Variants in ZNF423 observed in about 807,000 individuals in gnomAD.
ZNF423 encodes the protein Ebf-associated zinc finger protein.
A neutral mutation model predicts 95.8 loss-of-function variants in ZNF423; 12 were observed. That is an observed-to-expected ratio of 0.13 (90% CI 0.08 to 0.20). The LOEUF (loss-of-function observed/expected upper bound fraction) is 0.20. Ranked by LOEUF, ZNF423 falls within the 10% of genes least tolerant of loss-of-function variation. ZNF423 has a pLI of 1.00. For synonymous variants in ZNF423, 749 were observed against 711.9 expected, an observed-to-expected ratio of 1.05 and a Z score of -0.83; for missense variants, 1,316 against 1,737.1, an observed-to-expected ratio of 0.76 and a Z score of 4.31.
intron 3 of ZNF423, among the ~76,000 whole-genome samples, chr16:49,692,364 C>A (rs2031816988): frequency 6.6e-6 from 1 of 152,134 alleles, no homozygotes; most frequent in Non-Finnish European, 1.5e-5. Flanking sequence ...GGCAGACCCC[C>A]AGCACACAGC....
intron 3 of ZNF423, among the ~76,000 whole-genome samples, chr16:49,671,306 A>G (rs992138887): frequency 3.9e-5 from 6 of 152,208 alleles, no homozygotes; most frequent in African/African-American, 1.4e-4. Context: ...TTGTTCTTGC[A>G]GGGAGCTCAA....
intron 3 of ZNF423, among the ~76,000 whole-genome samples, chr16:49,673,684 T>C (rs1163762848): frequency 1.3e-5 from 2 of 152,276 alleles, no homozygotes; most frequent in Admixed American, 1.3e-4. Flanking sequence ...TATGTATGCA[T>C]GTGCACACAC....
In ZNF423 at chr16:49,855,124, A is replaced by T; in HGVS notation, c.40+611T>A. 1.3e-6 allele frequency: 1 copy of T among 780,882 alleles called. No individual in the cohort carries two copies. The allele number at this position is 780,882 out of a possible 1,614,324, so 48.4% of individuals were successfully genotyped here. ...AAGTGCAGGGGCCCGGGCCGGGAGAAGGCCTGGGCAGGGGCGGGAGGGGGC... is the reference window on the plus strand; with the variant it reads ...AAGTGCAGGGGCCCGGGCCGGGAGATGGCCTGGGCAGGGGCGGGAGGGGGC... On this transcript the variant is annotated intron_variant, in intron 1 of 7. Transcript: ENST00000563137. This position sits in a 1 kb window ranked among gnomAD's most constrained non-coding sequence, Gnocchi z 4.7.
intron 5 of ZNF423, among the ~76,000 whole-genome samples, chr16:49,563,941 A>G (rs1295073944): frequency 6.6e-6 from 1 of 152,256 alleles, no homozygotes; most frequent in Non-Finnish European, 1.5e-5. Context: ...GGCCAAGGTC[A>G]TGCACAGCAG....
rs148988852 is a variant in ZNF423, at chr16:49,498,199, C to A, written c.3850-6895G>T. Among the ~76,000 whole-genome samples, 349 of 152,322 alleles carry A rather than the reference C, an allele frequency of 2.3e-3. 4 individuals are homozygous for A. The highest frequency in any genetic ancestry group is 0.01 in the Admixed American group (159 of 15,304). On this transcript the variant is annotated intron_variant, in intron 7 of 7. Coordinates refer to ENST00000563137, the MANE Select transcript of ZNF423 (RefSeq NM_001379286.1). Reference sequence around the variant, plus strand: ...CCCATATTAGCTCATTTAAGCCTCACGACTGCCCTGCGCATTAAATACTCT... The same window carrying A: ...CCCATATTAGCTCATTTAAGCCTCAAGACTGCCCTGCGCATTAAATACTCT...
At chr16:49,854,038 T>C in intron 1 of ZNF423, 1 of 985,378 alleles carries the variant, frequency 1.0e-6, no homozygotes, top group Non-Finnish European at 1.2e-6. Context: ...AAATCCAGTA[T>C]TATTTCAAGC....
rs148974519 is a variant in ZNF423, at chr16:49,619,715, G to C, written c.3601+6455C>G. Among the ~76,000 whole-genome samples, 60 of 152,340 alleles carry C rather than the reference G, an allele frequency of 3.9e-4. No homozygotes were observed. In the East Asian group the frequency reaches 0.011, roughly 28 times the overall value. On this transcript the variant is annotated intron_variant, in intron 5 of 7. Transcript: ENST00000563137. The stretch of plus-strand genomic sequence containing the variant: ...GGAGACATTTTTATCACATATTAAG[G>C]TTAGACAGATGTTTTGGGTCTGGTG...
At chr16:49,548,683 C>T (rs755049615) in intron 5 of ZNF423, among the ~76,000 whole-genome samples, 1 of 152,174 alleles carries the variant, frequency 6.6e-6, no homozygotes, top group Non-Finnish European at 1.5e-5. Context: ...CAGCCGCCTT[C>T]GGGGAAGCAC....
chr16:49,691,900 C>T (rs560407010), intron 3 of ZNF423, among the ~76,000 whole-genome samples: 14 of 152,242 alleles, frequency 9.2e-5, no homozygotes, highest in African/African-American at 3.1e-4. Context: ...GCGGCTGTGG[C>T]CCCCTATCCC....
chr16:49,815,324 C>T (rs12596423), intron 1 of ZNF423, among the ~76,000 whole-genome samples: 61,193 of 151,948 alleles, frequency 0.4, 12,866 homozygotes, highest in African/African-American at 0.51. Context: ...ACAAAGATCT[C>T]GATACGGGGT....
rs114209991 is a variant in ZNF423 at position 49,542,335 on chromosome 16, T to C, written c.3602-16841A>G. Among the ~76,000 whole-genome samples the C allele has an allele frequency of 2.3e-3, 344 of 152,338 alleles. 1 individual carries two copies. The highest frequency in any genetic ancestry group is 7.7e-3 in the African/African-American group (322 of 41,578). On this transcript the variant is annotated intron_variant, in intron 5 of 7. Transcript: ENST00000563137. ...TTCAAGCCCGGGCTCTGCCACTGAG[T>C]GTCCCGGTGGCCTCATCAGTAAAAT...
At chr16:49,558,984 A>G (rs1403070686) in intron 5 of ZNF423, among the ~76,000 whole-genome samples, 1 of 152,178 alleles carries the variant, frequency 6.6e-6, no homozygotes, top group Non-Finnish European at 1.5e-5. Flanking sequence ...GGTGGGGGCA[A>G]GTCCTGAGCT....
intron 4 of ZNF423, among the ~76,000 whole-genome samples, chr16:49,628,196 A>G (rs1972373281): frequency 6.7e-6 from 1 of 149,954 alleles, no homozygotes; most frequent in African/African-American, 2.5e-5. Flanking sequence ...CCATCCATCC[A>G]TCCTTCATCT....
intron 1 of ZNF423, among the ~76,000 whole-genome samples, chr16:49,822,268 G>C (rs1306266661): frequency 1.3e-5 from 2 of 151,814 alleles, no homozygotes; most frequent in African/African-American, 4.8e-5. Context: ...CCGCCTCCCA[G>C]GTTCAAGTGA....
intron 1 of ZNF423, chr16:49,847,302 TG>T (rs2035255743): frequency 1.3e-5 from 2 of 152,324 alleles, no homozygotes; most frequent in African/African-American, 4.8e-5. Flanking sequence ...ATAGACAAAC[TG>T]GCCTAAGTGT....
chr16:49,528,675 G>C (rs964432292), intron 5 of ZNF423, among the ~76,000 whole-genome samples: 1 of 152,138 alleles, frequency 6.6e-6, no homozygotes, highest in African/African-American at 2.4e-5. Context: ...TTCTGAAGAC[G>C]AGGCCTTCTC....
At chr16:49,531,036 C>T (rs1309696308) in intron 5 of ZNF423, among the ~76,000 whole-genome samples, 1 of 152,232 alleles carries the variant, frequency 6.6e-6, no homozygotes, top group Non-Finnish European at 1.5e-5. Flanking sequence ...GGTCCCCTCG[C>T]CAGCACAAGC....
intron 2 of ZNF423, among the ~76,000 whole-genome samples, chr16:49,788,438 C>A (rs747225476): frequency 2.6e-5 from 4 of 152,228 alleles, no homozygotes; most frequent in African/African-American, 9.6e-5. Flanking sequence ...CATCGTAAGT[C>A]ACAAATGTCT....
chr16:49,736,919 A>T (rs2033299572), intron 2 of ZNF423, among the ~76,000 whole-genome samples: 1 of 152,210 alleles, frequency 6.6e-6, no homozygotes, highest in Admixed American at 6.5e-5. Flanking sequence ...GCAGCAAGAC[A>T]GATGGCCCCA....
Sources: allele counts gnomAD v4.1 joint callset (sites outside exome capture counted in the v4.1 genomes callset), GRCh38; gene constraint gnomAD v4.1.1; non-coding constraint Gnocchi (gnomAD v3.1); transcripts MANE v1.5; gene names NCBI Gene and HGNC (gene_info 2026-07-23, HGNC 2026-07-21).